MED13: variants seen among roughly 807,000 people sequenced by gnomAD.
MED13 encodes mediator of RNA polymerase II transcription subunit 13.
MED13 carries 23 observed loss-of-function variants against 225.2 expected under a neutral mutation model. The ratio of observed to expected loss-of-function variants is 0.10; its 90% CI spans 0.07 to 0.14. The LOEUF is 0.14. Among genes scored for constraint, MED13 ranks in the 10% least tolerant of loss-of-function variants. The pLI, the probability that MED13 is intolerant of heterozygous loss-of-function variation, is 1.00. For missense variants in MED13, 2,197 were observed against 2,594.5 expected (o/e 0.85, Z 3.33); for synonymous variants, 942 against 889.2 (o/e 1.06, Z -1.06).
At chr17:61,966,767 G>T in intron 18 of MED13, 116 bp from the exon 19 acceptor site, 1 of 619,004 alleles carries the variant, frequency 1.6e-6, no homozygotes. Context: ...GCAATTAACA[G>T]TTATGATAAA....
intron 11 of MED13, among the ~76,000 whole-genome samples, chr17:61,989,721 G>C (rs2080278992): frequency 6.6e-6 from 1 of 152,196 alleles, no homozygotes; most frequent in Non-Finnish European, 1.5e-5. Context: ...TTCTCCTACT[G>C]TGGCCTCCCA....
intron 23 of MED13, among the ~76,000 whole-genome samples, chr17:61,958,107 G>A (rs1261459433): frequency 2.6e-5 from 4 of 151,896 alleles, no homozygotes; most frequent in Non-Finnish European, 4.4e-5. Context: ...CTTGTGATCC[G>A]CCCGCCTCGG....
intron 8 of MED13, 98 bp downstream of exon 8, chr17:62,029,441 CAT>C (rs919098301): frequency 3.7e-6 from 3 of 815,720 alleles, no homozygotes; most frequent in Non-Finnish European, 5.8e-6. Context: ...AAAATCCTGA[CAT>C]ATGTTCATGT....
At chr17:61,994,285 C>T (rs991149455) in intron 10 of MED13, among the ~76,000 whole-genome samples, 5 of 152,164 alleles carry the variant, frequency 3.3e-5, no homozygotes, top group Admixed American at 1.3e-4. Flanking sequence ...GCGTGGGCCA[C>T]TGTGTCTAGC....
chr17:61,995,670 T>G (rs2080340883), intron 9 of MED13, among the ~76,000 whole-genome samples: 1 of 152,216 alleles, frequency 6.6e-6, no homozygotes, highest in Admixed American at 6.5e-5. Flanking sequence ...CACTATTTTG[T>G]ACAAATCCAT....
Position 62,011,012 on chromosome 17 carries a change from G to A in MED13, c.1505C>T (p.Pro502Leu), listed in dbSNP as rs1456570770. ...SASQRLVISA[P>L]DSQVRFSNIR... ...ATTTGAAAATCTCACTTGACTGTCTGGAGCAGAGATCACAAGTCTTTGGCT... is the reference window on the plus strand; with the variant it reads ...ATTTGAAAATCTCACTTGACTGTCTAGAGCAGAGATCACAAGTCTTTGGCT... The change falls in exon 9 of 30, where the codon CCA (proline) becomes CTA (leucine). Residue 502 changes from proline to leucine, a missense_variant. This residue lies in a region of MED13 where 884 missense variants were observed against 918.5 expected (regional missense o/e 0.96). Transcript: ENST00000397786. 3.7e-6 allele frequency: 6 copies of A among 1,613,986 alleles called. No homozygotes were observed. The African/African-American group carries it at 6.7e-5, about 18-fold the overall frequency.
chr17:62,013,379 A>G (rs2080530348), intron 8 of MED13, among the ~76,000 whole-genome samples: 1 of 152,312 alleles, frequency 6.6e-6, no homozygotes, highest in African/African-American at 2.4e-5. Context: ...ATGGTGTAGC[A>G]TTCAAAAGAA....
chr17:62,049,791 G>A (rs962790727), intron 3 of MED13, among the ~76,000 whole-genome samples: 8 of 151,924 alleles, frequency 5.3e-5, no homozygotes, highest in East Asian at 2.0e-4. Flanking sequence ...TTAGCTGGGC[G>A]TGGTGGCGGG....
At chr17:61,962,435 A>G (rs995103250) in intron 21 of MED13, among the ~76,000 whole-genome samples, 2 of 152,142 alleles carry the variant, frequency 1.3e-5, no homozygotes, top group African/African-American at 4.8e-5. Context: ...TTTTCTTGCA[A>G]CCTGTCTTGT....
At position 61,968,270 on chromosome 17, in the gene MED13, A is replaced by G. The variant is rs764097379; in HGVS notation, c.3968-12T>C. 1 of 1,571,410 alleles carries G rather than the reference A, an allele frequency of 6.4e-7. No homozygotes were observed. Among genetic ancestry groups the G allele is most frequent in the African/African-American group, 1.4e-5 (1 of 73,522 alleles). On this transcript the variant is annotated splice_polypyrimidine_tract_variant and intron_variant, in intron 17 of 29. Transcript: ENST00000397786. ...GGATTCATCAGTTCCTAAATAAGAA[A>G]GATGTATTTTAAGAAAACACTTAAA...
chr17:62,026,614 G>A (rs566086240), intron 8 of MED13, among the ~76,000 whole-genome samples: 4 of 152,062 alleles, frequency 2.6e-5, no homozygotes, highest in Admixed American at 2.0e-4. Flanking sequence ...AAAAAATAAA[G>A]GGCATTCAAA....
intron 11 of MED13, among the ~76,000 whole-genome samples, chr17:61,991,657 GC>G: frequency 6.6e-6 from 1 of 152,184 alleles, no homozygotes; most frequent in Non-Finnish European, 1.5e-5. Context: ...ATAGGCGCGT[GC>G]CTCCATGCCC....
In MED13 at chr17:61,946,307, G is replaced by A. The variant is rs1372060310; in HGVS notation, c.*161C>T. 1.3e-6 allele frequency: 1 copy of A among 775,106 alleles called. No homozygotes were observed. The highest frequency in any genetic ancestry group is 2.0e-6 in the Non-Finnish European group (1 of 500,278). 48.0% of individuals were successfully genotyped at this position (775,106 alleles called of 1,614,324 possible). ...AATAGAGTCAATGAAAAATAGCAGG[G>A]TTATAGCCCCTCCCCCCAAGTCAAA... On this transcript the variant is annotated 3_prime_UTR_variant, in exon 30 of 30. Coordinates refer to ENST00000397786, the MANE Select transcript of MED13 (RefSeq NM_005121.3).
chr17:62,048,778 A>G (rs2080926400), intron 3 of MED13, among the ~76,000 whole-genome samples: 1 of 152,062 alleles, frequency 6.6e-6, no homozygotes, highest in Non-Finnish European at 1.5e-5. Context: ...GGCACCCAAT[A>G]AAAAGAGTCA....
chr17:62,015,954 ATTTT>A lies in MED13; in HGVS notation c.1284-4725_1284-4722del, dbSNP rs869061252. On this transcript the variant is annotated intron_variant, in intron 8 of 29. Coordinates refer to ENST00000397786, the MANE Select transcript of MED13 (RefSeq NM_005121.3). The stretch of plus-strand genomic sequence containing the variant: ...TATATATATATATATATATATATAT[ATTTT>A]TTTTTTTTTTTTTTTTTTTTTTTTT... 5.9e-3 allele frequency among the ~76,000 whole-genome samples: 76 copies of A among 12,832 alleles called. 2 individuals are homozygous for A. The highest frequency in any genetic ancestry group is 0.025 in the Admixed American group (13 of 510). 8.4% of individuals were successfully genotyped at this position (12,832 alleles called of 152,430 possible).
intron 8 of MED13, among the ~76,000 whole-genome samples, chr17:62,016,724 T>C (rs1335948990): frequency 1.3e-5 from 2 of 152,202 alleles, no homozygotes; most frequent in Non-Finnish European, 2.9e-5. Flanking sequence ...ATAAAATATA[T>C]TGGGCTGGGC....
chr17:61,965,172 G>T lies in MED13; in HGVS notation c.4678C>A (p.Pro1560Thr), dbSNP rs200848380. The change falls in exon 20 of 30, where the codon CCC (proline) becomes ACC (threonine). Residue 1560 changes from proline to threonine, a missense_variant. Transcript: ENST00000397786. ...VSSNKLPSFPPFGSMNSNAAG... is the reference protein window; with the variant it reads ...VSSNKLPSFPTFGSMNSNAAG... ...GCATTACTGTTCATACTGCCAAAGG[G>T]TGGAAACGAAGGTAGTTTATTTGAT... is the stretch of plus-strand genomic sequence containing the variant. The T allele has an allele frequency of 1.3e-5, 21 of 1,614,152 alleles. No homozygotes were observed. The Admixed American group carries it at 3.2e-4, about 24-fold the overall frequency.
rs1273130959 is a variant in MED13 at position 61,955,473 on chromosome 17, A to G, written c.5877T>C (p.His1959=). Residue 1959 remains histidine, a synonymous_variant, in exon 26 of 30, where the codon CAT becomes CAC. Coordinates refer to ENST00000397786, the MANE Select transcript of MED13 (RefSeq NM_005121.3). ...AAGCAGAAGTAGGAAACACAAGTAT[A>G]TGAGTACATGATGTATCCTGTGGGG... The part of the protein sequence containing the change: ...LNTPQDTSCT[H]ILVFPTSASV... 7.5e-6 allele frequency: 12 copies of G among 1,605,226 alleles called. No individual in the cohort carries two copies. In the East Asian group the frequency reaches 2.0e-4, roughly 27 times the overall value.
At chr17:61,989,973 G>C (rs1427786797) in intron 11 of MED13, among the ~76,000 whole-genome samples, 1 of 152,148 alleles carries the variant, frequency 6.6e-6, no homozygotes, top group African/African-American at 2.4e-5. Flanking sequence ...CCAAACTGTT[G>C]AATTTTCAAG....
Sources: gnomAD v4.1 joint callset for allele counts (sites outside exome capture counted in the v4.1 genomes callset) on GRCh38, gnomAD v4.1.1 for gene constraint, gnomAD v4.1.1 regional missense constraint, MANE v1.5 for transcripts, NCBI Gene and HGNC (gene_info 2026-07-23, HGNC 2026-07-21) for gene names.